PPP1R12B: variants seen among roughly 807,000 people sequenced by gnomAD.
PPP1R12B encodes myosin phosphatase target subunit 2.
In PPP1R12B, 76 loss-of-function variants were observed where a neutral mutation model predicts 126.1. The observed-to-expected ratio is 0.60, with a 90% CI of 0.50 to 0.73. PPP1R12B has a LOEUF of 0.73. Among genes scored for constraint, PPP1R12B ranks in the 30% least tolerant of loss-of-function variants. The pLI is 0.00. For missense variants in PPP1R12B, 1,052 were observed against 1,205.1 expected (o/e 0.87, Z 1.88); for synonymous variants, 356 against 434.7 (o/e 0.82, Z 2.25).
intron 23 of PPP1R12B, among the ~76,000 whole-genome samples, chr1:202,571,119 A>AT (rs1228074581): frequency 6.6e-6 from 1 of 152,194 alleles, no homozygotes; most frequent in Non-Finnish European, 1.5e-5. Context: ...AATTAGAGAA[A>AT]TTGAGGCCCT....
At chr1:202,356,180 T>C (rs1014300129) in intron 1 of PPP1R12B, among the ~76,000 whole-genome samples, 1 of 152,146 alleles carries the variant, frequency 6.6e-6, no homozygotes, top group Non-Finnish European at 1.5e-5. Flanking sequence ...AGCAAGACTG[T>C]GTCTCAAATA....
chr1:202,439,134 T>C, intron 10 of PPP1R12B: 1 of 1,579,640 alleles, frequency 6.3e-7, no homozygotes, highest in South Asian at 1.1e-5. Context: ...GAGCAGCTCC[T>C]GTAGTTGAAG....
chr1:202,549,154 C>T lies in PPP1R12B; in HGVS notation c.2491-9723C>T, dbSNP rs562908696. ...CTTTATCCTTCTGAACTTCATCTTT[C>T]AAGGCAGACTAGCACTTTGGGATGA... On this transcript the variant is annotated intron_variant, in intron 18 of 23. Coordinates refer to ENST00000608999, the MANE Select transcript of PPP1R12B (RefSeq NM_002481.4). Among the ~76,000 whole-genome samples the T allele has an allele frequency of 2.0e-5, 3 of 152,246 alleles. No homozygotes were observed. The East Asian group carries it at 5.8e-4, about 29-fold the overall frequency.
intron 1 of PPP1R12B, among the ~76,000 whole-genome samples, chr1:202,380,030 T>A (rs775492525): frequency 4.5e-4 from 68 of 152,268 alleles, no homozygotes; most frequent in Middle Eastern, 3.4e-3. Context: ...TCTTACCAGT[T>A]TTTTTCCCTA....
chr1:202,466,027 A>G (rs192434817), intron 13 of PPP1R12B, among the ~76,000 whole-genome samples: 66 of 152,356 alleles, frequency 4.3e-4, no homozygotes, highest in African/African-American at 1.6e-3. Context: ...TATTACAAAA[A>G]TACACCTGCA....
chr1:202,513,159 A>G (rs574133729), intron 18 of PPP1R12B, among the ~76,000 whole-genome samples: 22 of 152,298 alleles, frequency 1.4e-4, no homozygotes, highest in African/African-American at 5.3e-4. Context: ...TTTTTGGTAG[A>G]GATGGTGTTT....
intron 17 of PPP1R12B, 60 bp downstream of exon 17, chr1:202,495,742 T>C (rs1319024712): frequency 6.1e-6 from 9 of 1,472,986 alleles, no homozygotes; most frequent in Non-Finnish European, 8.5e-6. Context: ...ATTCTTTCAG[T>C]TGAGTTTAAA....
At chr1:202,449,484 G>A (rs565158157) in intron 13 of PPP1R12B, among the ~76,000 whole-genome samples, 1 of 151,834 alleles carries the variant, frequency 6.6e-6, no homozygotes, top group South Asian at 2.1e-4. Context: ...CACCATGTTA[G>A]CCAGGATGGT....
chr1:202,463,735 GA>G (rs1456879404), intron 13 of PPP1R12B, among the ~76,000 whole-genome samples: 1 of 152,170 alleles, frequency 6.6e-6, no homozygotes, highest in African/African-American at 2.4e-5. Context: ...ATCTTGTTCA[GA>G]GGACCAATTT....
chr1:202,564,644 C>A, intron 21 of PPP1R12B, 97 bp downstream of exon 21: 2 of 929,760 alleles, frequency 2.2e-6, no homozygotes, highest in Non-Finnish European at 3.3e-6. Context: ...AAGATAGAGT[C>A]AAGATCAGGC....
intron 10 of PPP1R12B, chr1:202,438,274 G>T (rs2148682126): frequency 6.4e-7 from 1 of 1,573,142 alleles, no homozygotes; most frequent in Non-Finnish European, 8.6e-7. Flanking sequence ...AATCTTCCTT[G>T]CCCCCTTACC....
intron 10 of PPP1R12B, chr1:202,438,770 C>T: frequency 1.4e-6 from 1 of 735,286 alleles, no homozygotes; most frequent in South Asian, 1.5e-5. Flanking sequence ...TGGTGTTCAC[C>T]TTGAACAACT....
At position 202,439,111 on chromosome 1, in the gene PPP1R12B, G is replaced by A. The variant is rs1224989235; in HGVS notation, c.1458+1087G>A. 157 of 1,554,210 alleles carry A rather than the reference G, an allele frequency of 1.0e-4. No homozygotes were observed. The African/African-American group carries it at 1.5e-3, about 14-fold the overall frequency. ...CCTCCAGCGCCAAAGTGGACATGAC[G>A]TTCGAGGAGGAGGAGCAGCTCCTGT... On this transcript the variant is annotated intron_variant, in intron 10 of 23. Coordinates refer to ENST00000608999, the MANE Select transcript of PPP1R12B (RefSeq NM_002481.4).
intron 18 of PPP1R12B, among the ~76,000 whole-genome samples, chr1:202,500,218 G>GCTCTCTCTCTCTCT (rs151303629): frequency 6.8e-6 from 1 of 146,158 alleles, no homozygotes; most frequent in African/African-American, 2.5e-5. Context: ...TCTCTCTCTT[G>GCTCTCTCTCTCTCT]CTCTCTCTCT....
At chr1:202,579,468 C>T (rs1283193013) in intron 23 of PPP1R12B, among the ~76,000 whole-genome samples, 3 of 152,210 alleles carry the variant, frequency 2.0e-5, no homozygotes, top group Admixed American at 1.3e-4. Flanking sequence ...TATCCTAAAT[C>T]GCTCTTGCTG....
At chr1:202,462,615 T>A (rs1674458745) in intron 13 of PPP1R12B, 1 of 201,830 alleles carries the variant, frequency 5.0e-6, no homozygotes, top group Non-Finnish European at 8.8e-6. Flanking sequence ...TTAATCTCCT[T>A]CTGATAAAGT....
intron 1 of PPP1R12B, chr1:202,369,800 CTT>C (rs34583269): frequency 7.5e-4 from 111 of 148,906 alleles, no homozygotes; most frequent in Non-Finnish European, 1.1e-3. Context: ...ATTGGGCACA[CTT>C]TTTTTTTTTT....
chr1:202,396,093 T>A (rs1434161201), intron 1 of PPP1R12B, among the ~76,000 whole-genome samples: 1 of 152,214 alleles, frequency 6.6e-6, no homozygotes, highest in Admixed American at 6.5e-5. Flanking sequence ...CCTACTGCTT[T>A]GCTTCCTACT....
chr1:202,413,390 T>G (rs1319632968), intron 1 of PPP1R12B, among the ~76,000 whole-genome samples: 1 of 152,206 alleles, frequency 6.6e-6, no homozygotes, highest in Non-Finnish European at 1.5e-5. Flanking sequence ...ATGTACTACT[T>G]AAGTCCTGTA....
Sources: allele counts gnomAD v4.1 joint callset (sites outside exome capture counted in the v4.1 genomes callset), GRCh38; gene constraint gnomAD v4.1.1; transcripts MANE v1.5; gene names NCBI Gene and HGNC (gene_info 2026-07-23, HGNC 2026-07-21).